Variants in MAST2 observed in about 807,000 individuals in gnomAD.
MAST2 encodes the protein microtubule associated serine/threonine kinase 2.
In MAST2, 70 loss-of-function variants were observed where a neutral mutation model predicts 147.4. The ratio of observed to expected loss-of-function variants is 0.47; its 90% confidence interval spans 0.39 to 0.58. MAST2 has a LOEUF of 0.58. Ranked by LOEUF, MAST2 falls within the 20% of genes least tolerant of loss-of-function variation. MAST2 has a pLI of 0.00. For missense variants in MAST2, 2,080 were observed against 2,302.3 expected, an observed-to-expected ratio of 0.90 and a Z score of 1.98; for synonymous variants, 869 against 896.8, an observed-to-expected ratio of 0.97 and a Z score of 0.55.
At chr1:45,909,049 CT>C (rs1027767549) in intron 4 of MAST2, among the ~76,000 whole-genome samples, 14 of 152,104 alleles carry the variant, frequency 9.2e-5, no homozygotes, top group African/African-American at 3.4e-4. Flanking sequence ...AAAATCGAAA[CT>C]TTTTTTCTTT....
chr1:46,031,080 C>T lies in MAST2; in HGVS notation c.2782C>T (p.Arg928Cys), dbSNP rs1463426268. 17 of 1,613,484 alleles carry T rather than the reference C, an allele frequency of 1.1e-5. No homozygotes were observed. The highest frequency in any genetic ancestry group is 2.7e-5 in the African/African-American group (2 of 75,016). The change falls in exon 23 of 29, where the codon CGC becomes TGC. Residue 928 changes from arginine to cysteine, a missense_variant. Physicochemically the swap from Arg to Cys is radical, Grantham distance 180 (BLOSUM62 -3). Transcript: ENST00000361297. This position sits in a 1 kb window ranked among gnomAD's most constrained non-coding sequence, Gnocchi z 4.1. ...SDSSPPMTVR[R>C]RCSGLLDAPR... ...CTCAAGCCCTCCAATGACAGTGCGA[C>T]GCCGCTGCTCAGGCCTCCTGGATGC...
chr1:46,032,093 T>G, intron 24 of MAST2, 85 bp from the exon 25 acceptor site: 1 of 1,028,598 alleles, frequency 9.7e-7, no homozygotes. Context: ...TGTCTGTGAC[T>G]AGAGTTGTGC....
Position 46,019,840 on chromosome 1 carries a change from G to C in MAST2, c.1290+143G>C, listed in dbSNP as rs4437821. ...ATTTAAATATGATTTGCCACCATTG[G>C]GGGACTAAACAGGTTTTTGTGAGGA... is the stretch of plus-strand genomic sequence containing the variant. On this transcript the variant is annotated intron_variant, in intron 11 of 28. Coordinates refer to ENST00000361297, the MANE Select transcript of MAST2 (RefSeq NM_015112.3). 6.3e-4 allele frequency: 452 copies of C among 722,716 alleles called. 2 individuals carry two copies. In the African/African-American group the frequency reaches 6.5e-3, roughly 10 times the overall value. The allele number at this position is 722,716 out of a possible 1,614,324, so 44.8% of individuals were successfully genotyped here. A position where few individuals can be genotyped will look rare whatever the true frequency, so the allele number is the denominator to read the frequency against.
At chr1:45,886,453 G>C (rs1647094751) in intron 4 of MAST2, among the ~76,000 whole-genome samples, 2 of 151,912 alleles carry the variant, frequency 1.3e-5, no homozygotes, top group Admixed American at 1.3e-4. Context: ...ATTGGGGCAA[G>C]GTGGTTATGA....
intron 3 of MAST2, chr1:45,847,565 T>A: frequency 1.3e-6 from 1 of 791,794 alleles, no homozygotes; most frequent in South Asian, 1.4e-5. Context: ...GATGAATGAC[T>A]TTTTTTCCCA....
At chr1:45,864,814 C>A (rs1646091113) in intron 3 of MAST2, among the ~76,000 whole-genome samples, 1 of 152,126 alleles carries the variant, frequency 6.6e-6, no homozygotes, top group Non-Finnish European at 1.5e-5. Context: ...CTTAGTACTT[C>A]AAATAATTTC....
intron 3 of MAST2, among the ~76,000 whole-genome samples, chr1:45,851,583 T>A (rs140425727): frequency 6.6e-6 from 1 of 152,322 alleles, no homozygotes; most frequent in East Asian, 1.9e-4. Flanking sequence ...TCATTCAGCA[T>A]GATGTTGGCT....
chr1:45,986,263 T>A (rs1644610073), intron 5 of MAST2, among the ~76,000 whole-genome samples: 1 of 152,212 alleles, frequency 6.6e-6, no homozygotes, highest in African/African-American at 2.4e-5. Context: ...TCAAATGCAT[T>A]TTCTATGTCT....
intron 4 of MAST2, among the ~76,000 whole-genome samples, chr1:45,903,452 A>G (rs1650148309): frequency 6.6e-6 from 1 of 152,064 alleles, no homozygotes; most frequent in Non-Finnish European, 1.5e-5. Context: ...AGCAGTCTAA[A>G]CACTGCTTTT....
At chr1:45,987,776 G>GCTTTTTTTTTTTTTTTTTTTTTTTTTTTT (rs1644692974) in intron 5 of MAST2, among the ~76,000 whole-genome samples, 1 of 30,708 alleles carries the variant, frequency 3.3e-5, no homozygotes, top group Non-Finnish European at 5.9e-5. Flanking sequence ...TTTTTTTTTT[G>GCTTTTTTTTTTTTTTTTTTTTTTTTTTTT]ATTTTTTTTT....
intron 3 of MAST2, among the ~76,000 whole-genome samples, chr1:45,837,572 AG>A (rs1645140380): frequency 6.6e-6 from 1 of 152,120 alleles, no homozygotes; most frequent in Non-Finnish European, 1.5e-5. Context: ...CTGCTGTGAA[AG>A]TTCATATAAG....
chr1:45,847,353 CAATTT>C lies in MAST2; in HGVS notation c.468+17780_468+17784del, dbSNP rs576664241. 3.8e-4 allele frequency: 191 copies of C among 498,552 alleles called. 1 individual carries two copies. In the East Asian group the frequency reaches 9.1e-3, roughly 24 times the overall value. 30.9% of individuals were successfully genotyped at this position (498,552 alleles called of 1,614,324 possible). On this transcript the variant is annotated intron_variant, in intron 3 of 28. Transcript: ENST00000361297. ...AATCTGCTCCAACTCACTGCTAAAT[CAATTT>C]AATTTAAGTACCTTTCAGTTAGTTC...
rs35371770 is a variant in MAST2 at position 45,857,850 on chromosome 1, G to GTTTTTTTTTTTTTTTTTTTTT, written c.469-24511_469-24491dup. On this transcript the variant is annotated intron_variant, in intron 3 of 28. Transcript: ENST00000361297. Reference sequence around the variant, plus strand: ...CTACCTATGAGTGAGAACATGCGGTGTTTTTTTTTTTTTTTTTTTTTTTGT... The same window carrying GTTTTTTTTTTTTTTTTTTTTT: ...CTACCTATGAGTGAGAACATGCGGTGTTTTTTTTTTTTTTTTTTTTTTTTTTTTTTTTTTTTTTTTTTTTGT... 2.4e-4 allele frequency among the ~76,000 whole-genome samples: 16 copies of GTTTTTTTTTTTTTTTTTTTTT among 66,572 alleles called. 1 individual carries two copies. The highest frequency in any genetic ancestry group is 4.4e-4 in the East Asian group (1 of 2,284). The allele number at this position is 66,572 out of a possible 152,430, so 43.7% of individuals were successfully genotyped here. A position where few individuals can be genotyped will look rare whatever the true frequency, so the allele number is the denominator to read the frequency against.
At chr1:45,841,393 C>T (rs1645270782) in intron 3 of MAST2, among the ~76,000 whole-genome samples, 1 of 151,646 alleles carries the variant, frequency 6.6e-6, no homozygotes, top group African/African-American at 2.4e-5. Context: ...AGCTGTGATA[C>T]AGTAAGAAAT....
intron 1 of MAST2, among the ~76,000 whole-genome samples, chr1:45,822,926 G>A (rs183024582): frequency 1.7e-4 from 26 of 152,212 alleles, no homozygotes; most frequent in African/African-American, 5.1e-4. Flanking sequence ...CCTGTTCCCC[G>A]TCTCACTGCT....
intron 4 of MAST2, among the ~76,000 whole-genome samples, chr1:45,897,334 GCA>G (rs1176786629): frequency 6.6e-6 from 1 of 152,164 alleles, no homozygotes; most frequent in Admixed American, 6.5e-5. Flanking sequence ...TGGGGTGAAA[GCA>G]CTACTCACCC....
intron 5 of MAST2, among the ~76,000 whole-genome samples, chr1:45,975,493 T>A (rs1271162837): frequency 1.7e-5 from 1 of 57,566 alleles, no homozygotes; most frequent in African/African-American, 5.9e-5. Context: ...TCCCTGTCTC[T>A]CCAAAAAAAA....
intron 4 of MAST2, among the ~76,000 whole-genome samples, chr1:45,912,431 T>C (rs1651824165): frequency 6.6e-6 from 1 of 152,254 alleles, no homozygotes; most frequent in South Asian, 2.1e-4. Flanking sequence ...TCTATTCTAT[T>C]TCATTTGTAT....
At chr1:45,852,403 C>G (rs1173214370) in intron 3 of MAST2, among the ~76,000 whole-genome samples, 1 of 152,108 alleles carries the variant, frequency 6.6e-6, no homozygotes, top group African/African-American at 2.4e-5. Context: ...ACTCTGTCCC[C>G]CAGGCTGGAG....
Sources: allele counts gnomAD v4.1 joint callset (sites outside exome capture counted in the v4.1 genomes callset), GRCh38; gene constraint gnomAD v4.1.1; non-coding constraint Gnocchi (gnomAD v3.1); transcripts MANE v1.5; gene names NCBI Gene and HGNC (gene_info 2026-07-23, HGNC 2026-07-21).